The following DUOX2 variants were observed in gnomAD, a reference collection of about 807,000 sequenced individuals.
DUOX2 encodes dual oxidase 2, also known as NADH/NADPH thyroid oxidase p138-tox.
Under a neutral mutation model 183.3 loss-of-function variants are expected in DUOX2, and 185 were observed. The observed-to-expected ratio is 1.01, with a 90% CI of 0.90 to 1.14. DUOX2 has a LOEUF of 1.14. Ranked by LOEUF, DUOX2 falls within the 50% of genes most tolerant of loss-of-function variation. The pLI, the probability that DUOX2 is intolerant of heterozygous loss-of-function variation, is 0.00. For synonymous variants in DUOX2, 788 were observed against 812.4 expected, an observed-to-expected ratio of 0.97 and a Z score of 0.51; for missense variants, 1,999 against 2,022.9, an observed-to-expected ratio of 0.99 and a Z score of 0.23.
At chr15:45,107,045 A>G in intron 14 of DUOX2, 76 bp from the exon 15 acceptor site, 2 of 1,545,974 alleles carry the variant, frequency 1.3e-6, no homozygotes, top group South Asian at 1.2e-5. Flanking sequence ...CCTCTATCCT[A>G]TAAAGGACCA....
chr15:45,096,792 T>C (rs769874897), intron 29 of DUOX2, among the ~76,000 whole-genome samples: 28 of 152,294 alleles, frequency 1.8e-4, no homozygotes, highest in Middle Eastern at 3.4e-3. Context: ...AAAATCATCT[T>C]TTGCCACCCT....
Position 45,101,189 on chromosome 15 carries a change from C to T in DUOX2, c.2921+16G>A. The T allele has an allele frequency of 4.3e-6, 7 of 1,612,526 alleles. No individual in the cohort carries two copies. The highest frequency in any genetic ancestry group is 5.9e-6 in the Non-Finnish European group (7 of 1,179,120). ...GCTCAGCCAGGCCAACCTGCCAGAG[C>T]CCCATTCCTGCTCACCGCTCCCCAG... is the stretch of plus-strand genomic sequence containing the variant. On this transcript the variant is annotated intron_variant, in intron 22 of 33. Transcript: ENST00000389039.
chr15:45,100,514 A>G, intron 23 of DUOX2: 1 of 609,656 alleles, frequency 1.6e-6, no homozygotes, highest in East Asian at 2.8e-5. Context: ...CAAAGCAGGC[A>G]GGAGCCAGGA....
intron 13 of DUOX2, 95 bp downstream of exon 13, chr15:45,107,952 G>A: frequency 1.4e-6 from 2 of 1,443,554 alleles, no homozygotes; most frequent in Non-Finnish European, 1.9e-6. Flanking sequence ...GGCTGACTGG[G>A]AATCAAGGGC....
intron 10 of DUOX2, 75 bp from the exon 11 acceptor site, chr15:45,109,701 C>A: frequency 6.7e-7 from 1 of 1,494,744 alleles, no homozygotes; most frequent in Non-Finnish European, 9.3e-7. Flanking sequence ...CACTTTAGTA[C>A]CCCAGGACAA....
In DUOX2 at chr15:45,110,636, C is replaced by T. The variant is rs1457111911; in HGVS notation, c.943+14G>A. On this transcript the variant is annotated intron_variant, in intron 8 of 33. Coordinates refer to ENST00000389039, the MANE Select transcript of DUOX2 (RefSeq NM_001363711.2). ...GATTCTCCGCACAGGTGTCCTCCTTCCCCGCTCCCTCACCTGTATACTCCG... is the reference window on the plus strand; with the variant it reads ...GATTCTCCGCACAGGTGTCCTCCTTTCCCGCTCCCTCACCTGTATACTCCG... The T allele has an allele frequency of 1.1e-5, 18 of 1,613,244 alleles. No homozygotes were observed. The highest frequency in any genetic ancestry group is 1.5e-5 in the Non-Finnish European group (18 of 1,180,026).
chr15:45,112,066 A>T, intron 4 of DUOX2, 111 bp from the exon 5 acceptor site: 1 of 1,342,722 alleles, frequency 7.4e-7, no homozygotes, highest in Admixed American at 2.0e-5. Context: ...TCCCAGTGCC[A>T]GCTCCGCCAC....
intron 8 of DUOX2, 30 bp downstream of exon 8, chr15:45,110,620 C>T (rs1339505167): frequency 6.2e-7 from 1 of 1,613,440 alleles, no homozygotes; most frequent in Non-Finnish European, 8.5e-7. Context: ...GGATTCTCCG[C>T]ACAGGTGTCC....
chr15:45,111,696 C>T lies in DUOX2; in HGVS notation c.513+72G>A, dbSNP rs866948821. 2.7e-5 allele frequency: 39 copies of T among 1,461,720 alleles called. No homozygotes were observed. The African/African-American group carries it at 4.9e-4, about 19-fold the overall frequency. The allele number at this position is 1,461,720 out of a possible 1,614,324, so 90.5% of individuals were successfully genotyped here. A position where few individuals can be genotyped will look rare whatever the true frequency, so the allele number is the denominator to read the frequency against. ...GGAGTGGGCGCCTCTCCCCTCCAGG[C>T]CCTGCCAGGCCCGAAGCCCAGGCCC... is the stretch of plus-strand genomic sequence containing the variant. On this transcript the variant is annotated intron_variant, in intron 5 of 33. Transcript: ENST00000389039.
intron 18 of DUOX2, among the ~76,000 whole-genome samples, chr15:45,104,646 G>A (rs1347795327): frequency 6.6e-6 from 1 of 152,136 alleles, no homozygotes; most frequent in Non-Finnish European, 1.5e-5. Context: ...GAAGTTAAGG[G>A]GAATGGAAAG....
At position 45,098,046 on chromosome 15, in the gene DUOX2, G is replaced by T; in HGVS notation, c.3528C>A (p.Pro1176=). 6.2e-7 allele frequency: 1 copy of T among 1,614,070 alleles called. No homozygotes were observed. The highest frequency in any genetic ancestry group is 8.5e-7 in the Non-Finnish European group (1 of 1,179,970). ...GGAAGAACCACCAATAGAACTTCTGGGGAAGCTTGGACCTGGGGGGCAAAG... is the reference window on the plus strand; with the variant it reads ...GGAAGAACCACCAATAGAACTTCTGTGGAAGCTTGGACCTGGGGGGCAAAG... The part of the protein sequence containing the change: ...NVFVNDGSKL[P]QKFYWWFFQT... The change falls in exon 27 of 34, where the codon CCC becomes CCA. Residue 1176 remains proline (P), a synonymous_variant. Coordinates refer to ENST00000389039, the MANE Select transcript of DUOX2 (RefSeq NM_001363711.2).
rs953733 is a variant in DUOX2, at chr15:45,101,469, A to G, written c.2852-195T>C. Reference sequence around the variant, plus strand: ...GGCAACTTTGCACAAGAAAGGGGACATCCTCTTAGGTGGATGCAACCCTGC... The same window carrying G: ...GGCAACTTTGCACAAGAAAGGGGACGTCCTCTTAGGTGGATGCAACCCTGC... On this transcript the variant is annotated intron_variant, in intron 21 of 33. Coordinates refer to ENST00000389039, the MANE Select transcript of DUOX2 (RefSeq NM_001363711.2). 65,921 of 658,778 alleles carry G rather than the reference A, an allele frequency of 0.1. 6,281 individuals are homozygous for G. The highest frequency in any genetic ancestry group is 0.39 in the African/African-American group (21,961 of 55,788). 40.8% of individuals were successfully genotyped at this position (658,778 alleles called of 1,614,324 possible).
Position 45,111,797 on chromosome 15 carries a change from C to T in DUOX2, c.484G>A (p.Gly162Arg), listed in dbSNP as rs1214239149. ...TCCCGGGGGTTGCTGGGACTCCGTC[C>T]GGTCTCGGGGTCCCAGCGGCTCCTC... ...FQRSRWDPET[G>R]RSPSNPRDLA... The change falls in exon 5 of 34, where the codon GGA becomes AGA. Residue 162 changes from glycine (G) to arginine (R), a missense_variant. Transcript: ENST00000389039. 3 of 1,611,006 alleles carry T rather than the reference C, an allele frequency of 1.9e-6. No homozygotes were observed. Among genetic ancestry groups the T allele is most frequent in the Admixed American group, 1.7e-5 (1 of 59,728 alleles).
chr15:45,109,790 T>C (rs557268002), intron 10 of DUOX2, 100 bp downstream of exon 10: 2 of 1,364,566 alleles, frequency 1.5e-6, no homozygotes, highest in South Asian at 2.3e-5. Flanking sequence ...CCCATGAACC[T>C]GGGGCAGCAA....
intron 12 of DUOX2, 43 bp downstream of exon 12, chr15:45,108,746 T>C (rs1327765692): frequency 6.2e-7 from 1 of 1,601,952 alleles, no homozygotes; most frequent in Non-Finnish European, 8.6e-7. Context: ...AGTATTGCCA[T>C]AGGAAAGCTT....
chr15:45,108,232 C>A lies in DUOX2; in HGVS notation c.1399-10G>T. ...CTGTGGCCTCCAGCACCTGGGGCAC[C>A]ACAGGAGATAAGGGGTGAGCGTATG... On this transcript the variant is annotated splice_polypyrimidine_tract_variant and intron_variant, in intron 12 of 33. Coordinates refer to ENST00000389039, the MANE Select transcript of DUOX2 (RefSeq NM_001363711.2). 1 of 1,613,956 alleles carries A rather than the reference C, an allele frequency of 6.2e-7. No homozygotes were observed. Among genetic ancestry groups the A allele is most frequent in the South Asian group, 1.1e-5 (1 of 91,082 alleles).
intron 23 of DUOX2, 90 bp from the exon 24 acceptor site, chr15:45,100,318 G>A: frequency 7.5e-7 from 1 of 1,328,620 alleles, no homozygotes; most frequent in Non-Finnish European, 1.0e-6. Context: ...TGGGGATCTG[G>A]CAGGCATCAG....
intron 32 of DUOX2, 83 bp downstream of exon 32, chr15:45,094,853 C>A: frequency 1.2e-6 from 2 of 1,600,486 alleles, no homozygotes; most frequent in Middle Eastern, 1.7e-4. Flanking sequence ...CCTGGCCGTC[C>A]ACCCACCTGC....
Position 45,106,970 on chromosome 15 carries a change from C to A in DUOX2, c.1694-1G>T. 1 of 1,573,770 alleles carries A rather than the reference C, an allele frequency of 6.4e-7. No individual in the cohort carries two copies. The highest frequency in any genetic ancestry group is 8.6e-7 in the Non-Finnish European group (1 of 1,159,280). On this transcript the variant is annotated splice_acceptor_variant, in intron 14 of 33. Transcript: ENST00000389039. LOFTEE classifies it high-confidence loss of function. ...TGCTTAGGTTGAGGGCAGGGTGCAC[C>A]TGAGGGAGAGGGCAGGGAAGACCTC...
Sources: gnomAD v4.1 joint callset for allele counts (sites outside exome capture counted in the v4.1 genomes callset) on GRCh38, gnomAD v4.1.1 for gene constraint, MANE v1.5 for transcripts, NCBI Gene and HGNC (gene_info 2026-07-23, HGNC 2026-07-21) for gene names.